TXNDC16: variants seen among roughly 807,000 people sequenced by gnomAD.
The protein encoded by TXNDC16 is thioredoxin domain-containing protein 16.
Under a neutral mutation model 85.6 loss-of-function variants are expected in TXNDC16, and 74 were observed. That is an observed-to-expected ratio of 0.86 (90% CI 0.72 to 1.05). The LOEUF (loss-of-function observed/expected upper bound fraction) is 1.05. TXNDC16 is among the 50% of genes least tolerant of loss of function. The pLI is 0.00. For synonymous variants in TXNDC16, 335 were observed against 326.5 expected (o/e 1.03, Z -0.28); for missense variants, 959 against 947.0 (o/e 1.01, Z -0.17).
At chr14:52,515,445 A>G (rs2037058740) in intron 7 of TXNDC16, among the ~76,000 whole-genome samples, 1 of 151,794 alleles carries the variant, frequency 6.6e-6, no homozygotes, top group African/African-American at 2.4e-5. Context: ...ATATGAATCC[A>G]CCATACAACT....
chr14:52,431,562 T>G lies in TXNDC16; in HGVS notation c.*742A>C, dbSNP rs1196711548. 6.6e-6 allele frequency: 1 copy of G among 152,198 alleles called. No individual in the cohort carries two copies. The highest frequency in any genetic ancestry group is 1.5e-5 in the Non-Finnish European group (1 of 68,036). 9.4% of individuals were successfully genotyped at this position (152,198 alleles called of 1,614,324 possible). On this transcript the variant is annotated 3_prime_UTR_variant, in exon 21 of 21. Coordinates refer to ENST00000281741, the MANE Select transcript of TXNDC16 (RefSeq NM_020784.3). ...TCTGGAAACCTAGTCTGCCACAGGT[T>G]ACTTTTAACACAAGGTTACTCAGCC...
chr14:52,528,082 T>C, intron 6 of TXNDC16, among the ~76,000 whole-genome samples: 1 of 152,314 alleles, frequency 6.6e-6, no homozygotes, highest in South Asian at 2.1e-4. Flanking sequence ...AAGTTTATAC[T>C]TGTTATTCTA....
At chr14:52,514,481 G>C (rs2037031083) in intron 8 of TXNDC16, among the ~76,000 whole-genome samples, 1 of 152,124 alleles carries the variant, frequency 6.6e-6, no homozygotes, top group Non-Finnish European at 1.5e-5. Context: ...TTCAAAAACT[G>C]TACCTAAATA....
At chr14:52,457,004 T>C in intron 17 of TXNDC16, 86 bp downstream of exon 17, 4 of 938,880 alleles carry the variant, frequency 4.3e-6, no homozygotes, top group Non-Finnish European at 6.5e-6. Flanking sequence ...TTTTCCTCCA[T>C]CAGCTGTGTA....
chr14:52,531,546 G>A (rs1237907388), intron 6 of TXNDC16, among the ~76,000 whole-genome samples: 1 of 152,150 alleles, frequency 6.6e-6, no homozygotes, highest in Non-Finnish European at 1.5e-5. Flanking sequence ...ATTACTAAGT[G>A]CAAGAAGCCA....
chr14:52,509,987 T>TA (rs35562977), intron 9 of TXNDC16, among the ~76,000 whole-genome samples: 36,559 of 106,804 alleles, frequency 0.34, 4,519 homozygotes, highest in South Asian at 0.44. Context: ...TCTCAAGAAA[T>TA]AAAAAAAAAA....
intron 18 of TXNDC16, among the ~76,000 whole-genome samples, chr14:52,442,199 CAT>C (rs919537733): frequency 7.9e-5 from 12 of 152,088 alleles, no homozygotes; most frequent in African/African-American, 2.9e-4. Flanking sequence ...ATAGCAATGA[CAT>C]AGAATAATAA....
intron 16 of TXNDC16, among the ~76,000 whole-genome samples, chr14:52,464,901 T>C (rs2035736372): frequency 6.6e-6 from 1 of 152,096 alleles, no homozygotes; most frequent in Non-Finnish European, 1.5e-5. Flanking sequence ...ATCATGCCAC[T>C]GCATGTCACT....
At position 52,430,901 on chromosome 14, in the gene TXNDC16, T is replaced by C. The variant is rs11039; in HGVS notation, c.*1403A>G. 9 of 152,226 alleles carry C rather than the reference T, an allele frequency of 5.9e-5. No homozygotes were observed. The East Asian group carries it at 1.5e-3, about 26-fold the overall frequency. 9.4% of individuals were successfully genotyped at this position (152,226 alleles called of 1,614,324 possible). ...AACGGGTCTATGTTATAAGGAAATA[T>C]ATGCACTTACTGAGTTTTAGCTGTT... is the stretch of plus-strand genomic sequence containing the variant. On this transcript the variant is annotated 3_prime_UTR_variant, in exon 21 of 21. Transcript: ENST00000281741.
chr14:52,511,706 G>A (rs1224232556), intron 8 of TXNDC16, among the ~76,000 whole-genome samples: 1 of 152,028 alleles, frequency 6.6e-6, no homozygotes, highest in African/African-American at 2.4e-5. Flanking sequence ...ATAAAAAGCT[G>A]TCACCTTGCG....
At chr14:52,510,766 T>C (rs1162645954) in intron 9 of TXNDC16, among the ~76,000 whole-genome samples, 1 of 152,202 alleles carries the variant, frequency 6.6e-6, no homozygotes. Flanking sequence ...TCACCTAGTG[T>C]CTCTACAACA....
chr14:52,521,113 T>C (rs777900974), intron 6 of TXNDC16, among the ~76,000 whole-genome samples: 18 of 151,802 alleles, frequency 1.2e-4, no homozygotes, highest in Non-Finnish European at 2.5e-4. Flanking sequence ...AGAAGAATGG[T>C]GTTTTACTTT....
At chr14:52,491,410 C>T (rs2036404690) in intron 9 of TXNDC16, among the ~76,000 whole-genome samples, 1 of 138,738 alleles carries the variant, frequency 7.2e-6, no homozygotes, top group Non-Finnish European at 1.5e-5. Flanking sequence ...GTTGCCCAGG[C>T]TGGTCTTGAA....
At chr14:52,471,953 T>C (rs1409013029) in intron 14 of TXNDC16, among the ~76,000 whole-genome samples, 4 of 149,768 alleles carry the variant, frequency 2.7e-5, no homozygotes, top group Non-Finnish European at 4.4e-5. Context: ...TTTAGTATCA[T>C]ACTAGATCAA....
chr14:52,521,965 A>C lies in TXNDC16; in HGVS notation c.393-2672T>G, dbSNP rs542845767. Among the ~76,000 whole-genome samples, 4 of 152,314 alleles carry C rather than the reference A, an allele frequency of 2.6e-5. No homozygotes were observed. The South Asian group carries it at 8.3e-4, about 32-fold the overall frequency. On this transcript the variant is annotated intron_variant, in intron 6 of 20. Coordinates refer to ENST00000281741, the MANE Select transcript of TXNDC16 (RefSeq NM_020784.3). ...TAAATTATATTACTGACCACTTATA[A>C]AAATGGGAAACCAGGTGGAAAGGTG...
chr14:52,514,846 C>T lies in TXNDC16; in HGVS notation c.605+34G>A, dbSNP rs545546567. 8 of 1,506,450 alleles carry T rather than the reference C, an allele frequency of 5.3e-6. No homozygotes were observed. The East Asian group carries it at 1.4e-4, about 26-fold the overall frequency. The allele number at this position is 1,506,450 out of a possible 1,614,324, so 93.3% of individuals were successfully genotyped here. Reference sequence around the variant, plus strand: ...AATAAGTGAAGAAGAAAAAAAAAACCTTTAAATTGTTGACATATGCTTTTT... The same window carrying T: ...AATAAGTGAAGAAGAAAAAAAAAACTTTTAAATTGTTGACATATGCTTTTT... On this transcript the variant is annotated intron_variant, in intron 8 of 20. Transcript: ENST00000281741.
chr14:52,547,113 T>C (rs1407642205), intron 1 of TXNDC16, among the ~76,000 whole-genome samples: 1 of 152,188 alleles, frequency 6.6e-6, no homozygotes, highest in South Asian at 2.1e-4. Flanking sequence ...AGAACTGCCA[T>C]CCAAAAGACT....
Position 52,486,100 on chromosome 14 carries a change from AT to A in TXNDC16, c.1108+2262del, listed in dbSNP as rs368055161. ...AAAGACCTATTTTCTTATTTACTGT[AT>A]TTTTTTCTTATTATTCATATATTTT... is the stretch of plus-strand genomic sequence containing the variant. On this transcript the variant is annotated intron_variant, in intron 12 of 20. Coordinates refer to ENST00000281741, the MANE Select transcript of TXNDC16 (RefSeq NM_020784.3). Among the ~76,000 whole-genome samples the A allele has an allele frequency of 4.7e-3, 718 of 151,914 alleles. 5 individuals are homozygous for A. The highest frequency in any genetic ancestry group is 0.016 in the African/African-American group (672 of 41,424).
intron 6 of TXNDC16, among the ~76,000 whole-genome samples, chr14:52,526,686 C>T (rs541186838): frequency 6.6e-6 from 1 of 152,350 alleles, no homozygotes; most frequent in East Asian, 1.9e-4. Context: ...ACAATCTCCA[C>T]CAAACTGATG....
Sources: allele counts gnomAD v4.1 joint callset (sites outside exome capture counted in the v4.1 genomes callset), GRCh38; gene constraint gnomAD v4.1.1; transcripts MANE v1.5; gene names NCBI Gene and HGNC (gene_info 2026-07-23, HGNC 2026-07-21).